The following FBXO33 variants were observed in gnomAD, a reference collection of about 807,000 sequenced individuals.
FBXO33 encodes the protein F-box protein 33.
Under a neutral mutation model 46.3 loss-of-function variants are expected in FBXO33, and 22 were observed. That is an observed-to-expected ratio of 0.48 (90% CI 0.34 to 0.68). The LOEUF (loss-of-function observed/expected upper bound fraction) is 0.68, where lower values mean the gene tolerates loss of function less well. Among genes scored for constraint, FBXO33 ranks in the 30% least tolerant of loss-of-function variants. The pLI is 0.01. For synonymous variants in FBXO33, 337 were observed against 291.3 expected (o/e 1.16, Z -1.60); for missense variants, 692 against 708.8 (o/e 0.98, Z 0.27).
intron 1 of FBXO33, among the ~76,000 whole-genome samples, chr14:39,413,525 T>C (rs557442431): frequency 6.6e-6 from 1 of 152,362 alleles, no homozygotes; most frequent in South Asian, 2.1e-4. Context: ...GAATGGCATC[T>C]AGAATGGGTG....
intron 1 of FBXO33, among the ~76,000 whole-genome samples, chr14:39,430,372 A>C (rs974373299): frequency 1.1e-4 from 16 of 152,200 alleles, no homozygotes; most frequent in Non-Finnish European, 2.1e-4. Context: ...AATGGCGCAT[A>C]CATATATATA....
chr14:39,432,003 G>A lies in FBXO33; in HGVS notation c.160C>T (p.Arg54Trp). The change falls in exon 1 of 4, where the codon CGG becomes TGG. Residue 54 changes from arginine (R) to tryptophan (W), a missense_variant. Arg to Trp is a moderately radical substitution (Grantham distance 101). Transcript: ENST00000298097. ...VLRGRPGAGSRRRGRMALCGQ... is the reference protein window; with the variant it reads ...VLRGRPGAGSWRRGRMALCGQ... ...CACAGAGCCATCCGGCCCCGCCGCCGGCTGCCGGCTCCCGGCCGCCCCCGC... is the reference window on the plus strand; with the variant it reads ...CACAGAGCCATCCGGCCCCGCCGCCAGCTGCCGGCTCCCGGCCGCCCCCGC... 7.0e-7 allele frequency: 1 copy of A among 1,422,916 alleles called. No individual in the cohort carries two copies. The highest frequency in any genetic ancestry group is 2.9e-5 in the East Asian group (1 of 34,954). 88.1% of individuals were successfully genotyped at this position (1,422,916 alleles called of 1,614,324 possible).
intron 1 of FBXO33, among the ~76,000 whole-genome samples, chr14:39,416,500 G>C (rs1195213419): frequency 6.6e-6 from 1 of 151,998 alleles, no homozygotes; most frequent in Non-Finnish European, 1.5e-5. Context: ...ATCTTTGCTT[G>C]ATTGAATTCC....
At position 39,432,095 on chromosome 14, in the gene FBXO33, C is replaced by G. The variant is rs1009471953; in HGVS notation, c.68G>C (p.Arg23Pro). ...CCGCAGCCGCCGCCACCGCGCCACCCGGGCGGCCCCGGCTCGGGTTCGAGC... is the reference window on the plus strand; with the variant it reads ...CCGCAGCCGCCGCCACCGCGCCACCGGGGCGGCCCCGGCTCGGGTTCGAGC... ...PGARTRAGAA[R>P]VARWRRLRLQ... is the part of the protein sequence containing the mutation. The change falls in exon 1 of 4, where the codon CGG (arginine) becomes CCG (proline). Residue 23 changes from arginine to proline, a missense_variant. By Grantham distance (103) the Arg-to-Pro change is moderately radical (BLOSUM62 -2). This residue lies in a region of FBXO33 where 412 missense variants were observed against 370.8 expected (regional missense o/e 1.11). Transcript: ENST00000298097. 2 of 1,241,832 alleles carry G rather than the reference C, an allele frequency of 1.6e-6. No homozygotes were observed. Among genetic ancestry groups the G allele is most frequent in the Middle Eastern group, 2.1e-4 (1 of 4,790 alleles). The allele number at this position is 1,241,832 out of a possible 1,614,324, so 76.9% of individuals were successfully genotyped here.
At chr14:39,415,340 A>C (rs996388722) in intron 1 of FBXO33, among the ~76,000 whole-genome samples, 1 of 152,178 alleles carries the variant, frequency 6.6e-6, no homozygotes, top group African/African-American at 2.4e-5. Flanking sequence ...AAGATATAAC[A>C]AGAAACACAA....
intron 1 of FBXO33, among the ~76,000 whole-genome samples, chr14:39,423,086 C>CA (rs1385036673): frequency 6.6e-6 from 1 of 152,042 alleles, no homozygotes; most frequent in African/African-American, 2.4e-5. Flanking sequence ...CATACCACTG[C>CA]ACTCCAGCCT....
intron 1 of FBXO33, among the ~76,000 whole-genome samples, chr14:39,417,981 C>T (rs1463169288): frequency 6.6e-6 from 1 of 151,994 alleles, no homozygotes; most frequent in African/African-American, 2.4e-5. Flanking sequence ...GACTGTTATC[C>T]CAATTTTGTA....
At position 39,432,123 on chromosome 14, in the gene FBXO33, C is replaced by G. The variant is rs898293192; in HGVS notation, c.40G>C (p.Gly14Arg). 2.4e-5 allele frequency: 30 copies of G among 1,241,768 alleles called. No individual in the cohort carries two copies. The highest frequency in any genetic ancestry group is 2.1e-4 in the Admixed American group (5 of 23,694). The allele number at this position is 1,241,768 out of a possible 1,614,324, so 76.9% of individuals were successfully genotyped here. The change falls in exon 1 of 4, where the codon GGA (glycine) becomes CGA (arginine). Residue 14 changes from glycine to arginine, a missense_variant. This residue lies in a region of FBXO33 where 412 missense variants were observed against 370.8 expected (regional missense o/e 1.11). Coordinates refer to ENST00000298097, the MANE Select transcript of FBXO33 (RefSeq NM_203301.4). The part of the protein sequence containing the change: ...FLSVPQPRPP[G>R]ARTRAGAARV... Reference sequence around the variant, plus strand: ...GCGGCCCCGGCTCGGGTTCGAGCTCCCGGCGGTCGGGGCTGCGGCACTGAC... The same window carrying G: ...GCGGCCCCGGCTCGGGTTCGAGCTCGCGGCGGTCGGGGCTGCGGCACTGAC...
At chr14:39,429,911 G>T (rs1317313895) in intron 1 of FBXO33, among the ~76,000 whole-genome samples, 1 of 152,192 alleles carries the variant, frequency 6.6e-6, no homozygotes, top group African/African-American at 2.4e-5. Context: ...TTGCCTGTAT[G>T]TTATCCACCC....
rs1324362096 is a variant in FBXO33 at position 39,431,911 on chromosome 14, C to G, written c.252G>C (p.Pro84=). Residue 84 remains proline, a synonymous_variant, in exon 1 of 4, where the codon CCG becomes CCC. Coordinates refer to ENST00000298097, the MANE Select transcript of FBXO33 (RefSeq NM_203301.4). The part of the protein sequence containing the change: ...ELIVHIFSFL[P]APDRLRASAS... ...CCGAGGCCCGCAGCCGGTCGGGCGC[C>G]GGCAGAAAAGAGAAGATGTGCACGA... is the stretch of plus-strand genomic sequence containing the variant. 6.5e-7 allele frequency: 1 copy of G among 1,542,548 alleles called. No homozygotes were observed. The highest frequency in any genetic ancestry group is 8.7e-7 in the Non-Finnish European group (1 of 1,150,540).
chr14:39,399,898 T>C, intron 3 of FBXO33, 111 bp from the exon 4 acceptor site: 1 of 1,207,948 alleles, frequency 8.3e-7, no homozygotes, highest in Non-Finnish European at 1.1e-6. Flanking sequence ...AATTTGTATC[T>C]CACTTACCGT....
intron 1 of FBXO33, among the ~76,000 whole-genome samples, chr14:39,410,483 GT>G (rs2075417414): frequency 3.9e-5 from 6 of 152,188 alleles, no homozygotes; most frequent in Non-Finnish European, 7.4e-5. Flanking sequence ...CTGACCTATA[GT>G]TTTATTGTTA....
chr14:39,402,050 T>TA (rs1377252808), intron 2 of FBXO33, among the ~76,000 whole-genome samples, 189 bp from the exon 3 acceptor site: 5 of 152,172 alleles, frequency 3.3e-5, no homozygotes, highest in African/African-American at 9.7e-5. Flanking sequence ...TAAGGTATAT[T>TA]AAACATAAAG....
At chr14:39,428,111 A>G (rs986067479) in intron 1 of FBXO33, among the ~76,000 whole-genome samples, 2 of 152,238 alleles carry the variant, frequency 1.3e-5, no homozygotes, top group Non-Finnish European at 2.9e-5. Flanking sequence ...GAAATGGTCA[A>G]TCTACATACA....
intron 3 of FBXO33, 149 bp from the exon 4 acceptor site, chr14:39,399,936 T>A: frequency 1.1e-6 from 1 of 941,884 alleles, no homozygotes; most frequent in Non-Finnish European, 1.5e-6. Flanking sequence ...AGAAATATAT[T>A]GAAATTGGAA....
At chr14:39,404,403 T>C (rs941704489) in intron 1 of FBXO33, among the ~76,000 whole-genome samples, 1 of 152,178 alleles carries the variant, frequency 6.6e-6, no homozygotes, top group East Asian at 1.9e-4. Flanking sequence ...CTCGGTTCAC[T>C]GCAAGCTCCG....
At position 39,432,225 on chromosome 14, in the gene FBXO33, G is replaced by A. The variant is rs2075565836; in HGVS notation, c.-63C>T. 8 of 1,165,276 alleles carry A rather than the reference G, an allele frequency of 6.9e-6. No homozygotes were observed. Among genetic ancestry groups the A allele is most frequent in the Non-Finnish European group, 8.5e-6 (8 of 941,182 alleles). 72.2% of individuals were successfully genotyped at this position (1,165,276 alleles called of 1,614,324 possible). ...CTCGGCGGAACCAAGTAGAACACAAGTTGTGGAGAGGGGGAAAGGCCTCTG... is the reference window on the plus strand; with the variant it reads ...CTCGGCGGAACCAAGTAGAACACAAATTGTGGAGAGGGGGAAAGGCCTCTG... On this transcript the variant is annotated 5_prime_UTR_variant, in exon 1 of 4. Transcript: ENST00000298097.
At chr14:39,413,361 T>C (rs2075432523) in intron 1 of FBXO33, among the ~76,000 whole-genome samples, 1 of 152,218 alleles carries the variant, frequency 6.6e-6, no homozygotes, top group Non-Finnish European at 1.5e-5. Flanking sequence ...CCACTTCCAA[T>C]TCTAGTTCTC....
In FBXO33 at chr14:39,401,676, G is replaced by T. The variant is rs761549687; in HGVS notation, c.896C>A (p.Ala299Glu). The change falls in exon 3 of 4, where the codon GCA (alanine) becomes GAA (glutamate). Residue 299 changes from alanine (A) to glutamate (E), a missense_variant. Physicochemically the swap from Ala to Glu is moderately radical, Grantham distance 107. Transcript: ENST00000298097. ...ATTCACAAATCGCTCCAGTTCAACT[G>T]CAGTAATAAGAGTGCTGTTACCAGG... ...NIPGNSTLIT[A>E]VELERFVNLH... 2 of 1,614,078 alleles carry T rather than the reference G, an allele frequency of 1.2e-6. No individual in the cohort carries two copies. The highest frequency in any genetic ancestry group is 2.7e-5 in the African/African-American group (2 of 74,930).
Sources: gnomAD v4.1 joint callset for allele counts (sites outside exome capture counted in the v4.1 genomes callset) on GRCh38, gnomAD v4.1.1 for gene constraint, gnomAD v4.1.1 regional missense constraint, MANE v1.5 for transcripts, NCBI Gene and HGNC (gene_info 2026-07-23, HGNC 2026-07-21) for gene names.